GBF1: variants seen among roughly 807,000 people sequenced by gnomAD.
GBF1 encodes the protein Golgi-specific brefeldin A-resistance guanine nucleotide exchange factor 1.
In GBF1, 114 loss-of-function variants were observed where a neutral mutation model predicts 210.5. The ratio of observed to expected loss-of-function variants is 0.54; its 90% CI spans 0.47 to 0.63. The LOEUF (loss-of-function observed/expected upper bound fraction) is 0.63, where lower values mean the gene tolerates loss of function less well. GBF1 is among the 30% of genes least tolerant of loss of function. GBF1 has a pLI of 0.00. For missense variants in GBF1, 1,851 were observed against 2,357.7 expected (o/e 0.79, Z 4.45); for synonymous variants, 850 against 889.2 (o/e 0.96, Z 0.78).
chr10:102,286,242 T>G (rs947407175), intron 3 of GBF1, among the ~76,000 whole-genome samples: 1 of 149,958 alleles, frequency 6.7e-6, no homozygotes, highest in Admixed American at 6.6e-5. Flanking sequence ...CTTCTCCTAA[T>G]GTACTGTGGT....
In GBF1 at chr10:102,277,464, G is replaced by A. The variant is rs1236388548; in HGVS notation, c.163+17348G>A. 2.7e-5 allele frequency among the ~76,000 whole-genome samples: 4 copies of A among 145,566 alleles called. No homozygotes were observed. In the South Asian group the frequency reaches 6.5e-4, roughly 24 times the overall value. On this transcript the variant is annotated intron_variant, in intron 3 of 39. Transcript: ENST00000369983. Reference sequence around the variant, plus strand: ...GAGTGCAATAGCGTGATCTCGGCTCGCCTCCCGGGTTCAACCGATTCTCCC... The same window carrying A: ...GAGTGCAATAGCGTGATCTCGGCTCACCTCCCGGGTTCAACCGATTCTCCC...
intron 3 of GBF1, among the ~76,000 whole-genome samples, chr10:102,279,589 C>A (rs1323033563): frequency 2.6e-5 from 4 of 152,134 alleles, no homozygotes; most frequent in Non-Finnish European, 5.9e-5. Flanking sequence ...CCTTTTCTAT[C>A]ATTTTTTTCT....
At chr10:102,258,700 G>C (rs980793287) in intron 1 of GBF1, among the ~76,000 whole-genome samples, 40 of 150,476 alleles carry the variant, frequency 2.7e-4, no homozygotes, top group African/African-American at 9.7e-4. Context: ...CTTGAACTCG[G>C]GAGGCAGAGG....
intron 30 of GBF1, 105 bp from the exon 31 acceptor site, chr10:102,376,167 G>C: frequency 1.2e-6 from 1 of 804,082 alleles, no homozygotes. Flanking sequence ...ATGCCAGAGA[G>C]AGGGGAGGCC....
chr10:102,333,858 G>A (rs1043516116), intron 3 of GBF1, among the ~76,000 whole-genome samples: 8 of 152,148 alleles, frequency 5.3e-5, no homozygotes, highest in Non-Finnish European at 7.4e-5. Flanking sequence ...TTCCTGGGGT[G>A]TACAGCATAG....
chr10:102,356,198 C>T (rs1327077552), intron 8 of GBF1, among the ~76,000 whole-genome samples: 2 of 152,104 alleles, frequency 1.3e-5, no homozygotes, highest in African/African-American at 4.8e-5. Context: ...GTTCTGAGAG[C>T]TTGGGGGAGC....
At chr10:102,242,602 C>T (rs988947501), upstream of GBF1, among the ~76,000 whole-genome samples, 24 of 152,208 alleles carry the variant, frequency 1.6e-4, no homozygotes, top group African/African-American at 5.5e-4. Flanking sequence ...TTCTCTTCTC[C>T]CAGTTAGGCT....
At chr10:102,286,194 G>GTTTTTTTT (rs55904022) in intron 3 of GBF1, among the ~76,000 whole-genome samples, 1 of 126,370 alleles carries the variant, frequency 7.9e-6, no homozygotes, top group African/African-American at 3.3e-5. Context: ...AAGCATAAGG[G>GTTTTTTTT]TTTTTTTTTT....
intron 3 of GBF1, among the ~76,000 whole-genome samples, chr10:102,343,690 C>T (rs1407479805): frequency 4.0e-5 from 6 of 151,240 alleles, no homozygotes; most frequent in Admixed American, 2.6e-4. Flanking sequence ...TGGTGACAGA[C>T]GCCTATAGTC....
chr10:102,351,730 G>C, intron 5 of GBF1, 113 bp from the exon 6 acceptor site: 1 of 673,070 alleles, frequency 1.5e-6, no homozygotes, highest in East Asian at 2.7e-5. Flanking sequence ...GCTTCTTGGA[G>C]ACCTCTCTAC....
At chr10:102,290,073 CT>C (rs1303261542) in intron 3 of GBF1, among the ~76,000 whole-genome samples, 1 of 152,068 alleles carries the variant, frequency 6.6e-6, no homozygotes, top group African/African-American at 2.4e-5. Flanking sequence ...AATCATGCCA[CT>C]TTCCAGCCTG....
intron 29 of GBF1, among the ~76,000 whole-genome samples, chr10:102,371,539 C>T (rs2060204795): frequency 6.6e-6 from 1 of 152,156 alleles, no homozygotes; most frequent in Non-Finnish European, 1.5e-5. Flanking sequence ...TATAAAAATC[C>T]CAGAAAGGTT....
At chr10:102,345,281 CA>C (rs200940534) in intron 4 of GBF1, among the ~76,000 whole-genome samples, 40,943 of 98,372 alleles carry the variant, frequency 0.42, 5,849 homozygotes, top group South Asian at 0.53. Context: ...GACTCTGTCT[CA>C]AAAAAAAAAA....
At position 102,359,341 on chromosome 10, in the gene GBF1, G is replaced by A. The variant is rs749859951; in HGVS notation, c.1086G>A (p.Thr362=). The A allele has an allele frequency of 1.3e-5, 21 of 1,610,926 alleles. 1 individual carries two copies. The South Asian group carries it at 1.3e-4, about 10-fold the overall frequency. Residue 362 remains threonine, a synonymous_variant, in exon 11 of 40, where the codon ACG becomes ACA. Transcript: ENST00000369983. ...TCCCTGAAGTGTTAGAGGAGTGCACGTCCCCTGCCGACCACTCTGACTCTG... is the reference window on the plus strand; with the variant it reads ...TCCCTGAAGTGTTAGAGGAGTGCACATCCCCTGCCGACCACTCTGACTCTG... ...ESIPEVLEEC[T]SPADHSDSAS...
intron 3 of GBF1, among the ~76,000 whole-genome samples, chr10:102,270,147 G>T (rs1283333416): frequency 2.0e-5 from 3 of 151,882 alleles, no homozygotes; most frequent in Non-Finnish European, 2.9e-5. Flanking sequence ...CAAAGTGCTG[G>T]GATTACAGGC....
In GBF1 at chr10:102,366,414, G is replaced by A; in HGVS notation, c.2341G>A (p.Glu781Lys). 6.2e-7 allele frequency: 1 copy of A among 1,613,906 alleles called. No individual in the cohort carries two copies. Among genetic ancestry groups the A allele is most frequent in the Non-Finnish European group, 8.5e-7 (1 of 1,179,886 alleles). ...CAGTTTTCAGGGTCTGCGACTGGAC[G>A]AAGCCCTCCGCCTCTACCTGGAAGC... ...TFSFQGLRLDEALRLYLEAFR... is the reference protein window; with the variant it reads ...TFSFQGLRLDKALRLYLEAFR... The change falls in exon 19 of 40, where the codon GAA (glutamate) becomes AAA (lysine). Residue 781 changes from glutamate to lysine, a missense_variant. Coordinates refer to ENST00000369983, the MANE Select transcript of GBF1 (RefSeq NM_001377137.1). The surrounding 1 kb of genome is among the most constrained non-coding windows in gnomAD (Gnocchi z 4.0).
At chr10:102,287,467 C>T (rs529550396) in intron 3 of GBF1, among the ~76,000 whole-genome samples, 11 of 147,910 alleles carry the variant, frequency 7.4e-5, no homozygotes, top group East Asian at 4.1e-4. Context: ...GGATTACAGG[C>T]ATGAGCCACT....
At chr10:102,377,595 C>T (rs562519590) in intron 33 of GBF1, among the ~76,000 whole-genome samples, 93 of 152,210 alleles carry the variant, frequency 6.1e-4, no homozygotes, top group African/African-American at 1.9e-3. Flanking sequence ...CCTCGTGATC[C>T]GCCTGCCTCG....
chr10:102,288,703 G>A (rs1425751887), intron 3 of GBF1, among the ~76,000 whole-genome samples: 1 of 141,874 alleles, frequency 7.0e-6, no homozygotes, highest in East Asian at 2.1e-4. Context: ...GGGCGACAGA[G>A]CGAGACTCCG....
Sources: allele counts gnomAD v4.1 joint callset (sites outside exome capture counted in the v4.1 genomes callset), GRCh38; gene constraint gnomAD v4.1.1; non-coding constraint Gnocchi (gnomAD v3.1); transcripts MANE v1.5; gene names NCBI Gene and HGNC (gene_info 2026-07-23, HGNC 2026-07-21).